The following ACAP2 variants were observed in gnomAD, a reference collection of about 807,000 sequenced individuals.
ACAP2 encodes arf-GAP with coiled-coil, ANK repeat and PH domain-containing protein 2.
In ACAP2, 39 loss-of-function variants were observed where a neutral mutation model predicts 115.8. The observed-to-expected ratio is 0.34, with a 90% confidence interval of 0.26 to 0.44. The LOEUF is 0.44. ACAP2 is among the 20% of genes least tolerant of loss of function. ACAP2 has a pLI of 1.00. For synonymous variants in ACAP2, 289 were observed against 315.8 expected (o/e 0.92, Z 0.90); for missense variants, 662 against 927.6 (o/e 0.71, Z 3.72).
intron 11 of ACAP2, among the ~76,000 whole-genome samples, chr3:195,308,216 T>C (rs532075447): frequency 4.8e-4 from 73 of 152,282 alleles, no homozygotes; most frequent in African/African-American, 1.6e-3. Flanking sequence ...TTCTGTCCTA[T>C]AACCTTTGGC....
chr3:195,402,054 T>G (rs907295520), intron 1 of ACAP2, among the ~76,000 whole-genome samples: 10 of 152,168 alleles, frequency 6.6e-5, no homozygotes, highest in Non-Finnish European at 1.2e-4. Flanking sequence ...CAGAGCACTC[T>G]GCACACTTCA....
chr3:195,427,897 A>G (rs924867635), intron 1 of ACAP2, among the ~76,000 whole-genome samples: 4 of 151,834 alleles, frequency 2.6e-5, no homozygotes, highest in Non-Finnish European at 4.4e-5. Context: ...ACAGAGTGAG[A>G]CCCCATCTCA....
intron 1 of ACAP2, among the ~76,000 whole-genome samples, chr3:195,401,539 C>T (rs148048144): frequency 5.8e-4 from 88 of 152,214 alleles, no homozygotes; most frequent in East Asian, 4.3e-3. Flanking sequence ...TGGTGGTGCA[C>T]GCCTGCAATC....
At chr3:195,322,393 C>A (rs1454000297) in intron 9 of ACAP2, among the ~76,000 whole-genome samples, 1 of 152,036 alleles carries the variant, frequency 6.6e-6, no homozygotes. Context: ...GGCAGAGGGA[C>A]AACCATCTAA....
At chr3:195,315,289 G>C (rs532617353) in intron 10 of ACAP2, among the ~76,000 whole-genome samples, 15 of 152,324 alleles carry the variant, frequency 9.8e-5, no homozygotes, top group African/African-American at 3.4e-4. Context: ...CCAAACTGCT[G>C]GGATTAGAGG....
At chr3:195,438,953 C>T (rs562839773) in intron 1 of ACAP2, among the ~76,000 whole-genome samples, 3 of 151,780 alleles carry the variant, frequency 2.0e-5, no homozygotes, top group Non-Finnish European at 2.9e-5. Context: ...CCCAGTTACT[C>T]GGGAGGCTGA....
At chr3:195,393,702 G>A (rs962394183) in intron 1 of ACAP2, among the ~76,000 whole-genome samples, 4 of 152,088 alleles carry the variant, frequency 2.6e-5, no homozygotes, top group Admixed American at 6.5e-5. Flanking sequence ...ATTTACACAC[G>A]AGAACAAATG....
intron 6 of ACAP2, among the ~76,000 whole-genome samples, 163 bp from the exon 7 acceptor site, chr3:195,337,139 G>C (rs1424054856): frequency 6.6e-6 from 1 of 152,180 alleles, no homozygotes; most frequent in Non-Finnish European, 1.5e-5. Flanking sequence ...GCAAAACACA[G>C]TTAAGACAAA....
At chr3:195,294,461 C>G (rs1409856505) in intron 18 of ACAP2, among the ~76,000 whole-genome samples, 1 of 150,884 alleles carries the variant, frequency 6.6e-6, no homozygotes, top group South Asian at 2.1e-4. Flanking sequence ...GCCTGTAATC[C>G]CAGCTACTCG....
intron 4 of ACAP2, among the ~76,000 whole-genome samples, chr3:195,346,071 TACCAC>T (rs1731169865): frequency 6.6e-6 from 1 of 152,170 alleles, no homozygotes. Context: ...TTGAAAACAA[TACCAC>T]AATTTCATTA....
chr3:195,368,761 A>C (rs1732905673), intron 4 of ACAP2, among the ~76,000 whole-genome samples: 1 of 152,190 alleles, frequency 6.6e-6, no homozygotes, highest in Admixed American at 6.6e-5. Context: ...TTTCATTTAT[A>C]GTAACTCCTA....
intron 5 of ACAP2, 21 bp from the exon 6 acceptor site, chr3:195,342,675 T>C (rs758514849): frequency 1.6e-5 from 25 of 1,570,780 alleles, no homozygotes; most frequent in Non-Finnish European, 2.1e-5. Flanking sequence ...AAAAACTTAG[T>C]GAAACTTTTA....
intron 1 of ACAP2, among the ~76,000 whole-genome samples, chr3:195,403,035 A>T (rs1712445951): frequency 6.6e-6 from 1 of 152,172 alleles, no homozygotes; most frequent in Non-Finnish European, 1.5e-5. Context: ...ATGGGAAAAA[A>T]GGAAAGTGAA....
At position 195,364,634 on chromosome 3, in the gene ACAP2, TAGTG is replaced by T. The variant is rs1258272670; in HGVS notation, c.285+16371_285+16374del. ...CAAAAAACAAGCAATTAACAAATGT[TAGTG>T]AGGATGTGGAGAAAAGAATACCCTT... On this transcript the variant is annotated intron_variant, in intron 4 of 22. Coordinates refer to ENST00000326793, the MANE Select transcript of ACAP2 (RefSeq NM_012287.6). 3.3e-5 allele frequency among the ~76,000 whole-genome samples: 5 copies of T among 152,146 alleles called. 1 individual carries two copies. Among genetic ancestry groups the T allele is most frequent in the South Asian group, 4.1e-4 (2 of 4,832 alleles).
intron 2 of ACAP2, among the ~76,000 whole-genome samples, chr3:195,384,852 T>C (rs571796763): frequency 2.0e-5 from 3 of 152,284 alleles, no homozygotes; most frequent in African/African-American, 4.8e-5. Context: ...GTGTACTACA[T>C]AGGTGGTATT....
chr3:195,303,338 G>A (rs936159717), intron 13 of ACAP2, among the ~76,000 whole-genome samples: 1 of 152,044 alleles, frequency 6.6e-6, no homozygotes, highest in Non-Finnish European at 1.5e-5. Flanking sequence ...AAACCCGGGA[G>A]GGGGCTATTG....
intron 1 of ACAP2, chr3:195,419,666 A>G (rs1714014405): frequency 6.6e-6 from 1 of 152,190 alleles, no homozygotes; most frequent in Non-Finnish European, 1.5e-5. Context: ...ATATTTTCCA[A>G]TACTACATTC....
chr3:195,355,591 C>T (rs571433709), intron 4 of ACAP2, among the ~76,000 whole-genome samples: 5 of 152,162 alleles, frequency 3.3e-5, no homozygotes, highest in Admixed American at 2.6e-4. Flanking sequence ...AATGAACTTA[C>T]AAAAGTGCAT....
intron 1 of ACAP2, among the ~76,000 whole-genome samples, chr3:195,431,687 T>C (rs1003188377): frequency 1.3e-5 from 2 of 151,528 alleles, no homozygotes; most frequent in Admixed American, 1.3e-4. Flanking sequence ...GACCTCATGA[T>C]ACACTCGTCT....
Sources: gnomAD v4.1 joint callset for allele counts (sites outside exome capture counted in the v4.1 genomes callset) on GRCh38, gnomAD v4.1.1 for gene constraint, MANE v1.5 for transcripts, NCBI Gene and HGNC (gene_info 2026-07-23, HGNC 2026-07-21) for gene names.